The following TRIM67 variants were observed in gnomAD, a reference collection of about 807,000 sequenced individuals.
TRIM67 encodes the protein tripartite motif-containing protein 67.
In TRIM67, 39 loss-of-function variants were observed where a neutral mutation model predicts 71.0. The observed-to-expected ratio is 0.55, with a 90% confidence interval of 0.43 to 0.72. The LOEUF (loss-of-function observed/expected upper bound fraction) is 0.72, where lower values mean the gene tolerates loss of function less well. Ranked by LOEUF, TRIM67 falls within the 30% of genes least tolerant of loss-of-function variation. The pLI, the probability that TRIM67 is intolerant of heterozygous loss-of-function variation, is 0.00. For missense variants in TRIM67, 973 were observed against 1,079.2 expected, an observed-to-expected ratio of 0.90 and a Z score of 1.38; for synonymous variants, 481 against 473.9, an observed-to-expected ratio of 1.01 and a Z score of -0.19.
chr1:231,183,257 T>C (rs1467884659), intron 1 of TRIM67, among the ~76,000 whole-genome samples: 1 of 152,140 alleles, frequency 6.6e-6, no homozygotes, highest in East Asian at 1.9e-4. Flanking sequence ...AGTCCTTTGC[T>C]CTGAGCAAAG....
chr1:231,192,089 G>A (rs989561727), intron 1 of TRIM67, among the ~76,000 whole-genome samples: 6 of 152,176 alleles, frequency 3.9e-5, no homozygotes, highest in South Asian at 2.1e-4. Context: ...CAGGAGGATC[G>A]CTTGAGGCCA....
At chr1:231,164,131 C>G in intron 1 of TRIM67, 118 bp downstream of exon 1, 1 of 1,243,288 alleles carries the variant, frequency 8.0e-7, no homozygotes, top group Non-Finnish European at 1.0e-6. Context: ...GCAGGAATTA[C>G]CTCACTCATT....
At chr1:231,173,885 G>A (rs74853144) in intron 1 of TRIM67, among the ~76,000 whole-genome samples, 1 of 152,170 alleles carries the variant, frequency 6.6e-6, no homozygotes, top group Non-Finnish European at 1.5e-5. Flanking sequence ...ACTTGAATTA[G>A]GAGAGAGGCA....
chr1:231,204,392 C>T (rs1442945504), intron 6 of TRIM67, among the ~76,000 whole-genome samples: 7 of 152,130 alleles, frequency 4.6e-5, no homozygotes, highest in African/African-American at 9.7e-5. Context: ...TTTCTGGAGA[C>T]GAGGAAGCAC....
At chr1:231,198,921 A>T in intron 2 of TRIM67, 126 bp from the exon 3 acceptor site, 1 of 1,457,582 alleles carries the variant, frequency 6.9e-7, no homozygotes, top group Non-Finnish European at 9.3e-7. Context: ...CTAATTTAAC[A>T]ACATTATAGA....
At chr1:231,170,977 T>G (rs143498104) in intron 1 of TRIM67, among the ~76,000 whole-genome samples, 122 of 152,358 alleles carry the variant, frequency 8.0e-4, no homozygotes, top group African/African-American at 2.9e-3. Flanking sequence ...GAATTTTTAA[T>G]CTCAAACAGT....
chr1:231,199,190 C>T (rs1448615869), intron 3 of TRIM67, 21 bp downstream of exon 3: 1 of 1,612,072 alleles, frequency 6.2e-7, no homozygotes, highest in Non-Finnish European at 8.5e-7. Context: ...GGGGGACTGA[C>T]ACATTGAATC....
At chr1:231,187,140 C>T (rs1163526797) in intron 1 of TRIM67, among the ~76,000 whole-genome samples, 1 of 152,136 alleles carries the variant, frequency 6.6e-6, no homozygotes, top group Non-Finnish European at 1.5e-5. Context: ...CTTTATATTT[C>T]ACCTGGGAAG....
At chr1:231,211,599 C>T (rs1295965517) in intron 8 of TRIM67, among the ~76,000 whole-genome samples, 2 of 152,222 alleles carry the variant, frequency 1.3e-5, no homozygotes, top group African/African-American at 4.8e-5. Context: ...GAAACCCTGC[C>T]TTCTCCGGAA....
Position 231,217,718 on chromosome 1 carries a change from G to C in TRIM67, c.*2278G>C. The C allele has an allele frequency of 8.1e-7, 1 of 1,236,828 alleles. No homozygotes were observed. The highest frequency in any genetic ancestry group is 1.0e-6 in the Non-Finnish European group (1 of 961,616). The allele number at this position is 1,236,828 out of a possible 1,614,324, so 76.6% of individuals were successfully genotyped here. A position where few individuals can be genotyped will look rare whatever the true frequency, so the allele number is the denominator to read the frequency against. ...AGCCTCCACCATCACCACAGCCCAG[G>C]TCACCAGGTGGCCCCAGCTCTGCAG... On this transcript the variant is annotated 3_prime_UTR_variant, in exon 10 of 10. Coordinates refer to ENST00000366653, the MANE Select transcript of TRIM67 (RefSeq NM_001004342.5).
intron 7 of TRIM67, among the ~76,000 whole-genome samples, chr1:231,208,029 A>C (rs1214515702): frequency 1.7e-5 from 2 of 118,702 alleles, no homozygotes; most frequent in East Asian, 2.3e-4. Context: ...TTTTTTTTTG[A>C]GATGAAGTCC....
Position 231,163,323 on chromosome 1 carries a change from C to T in TRIM67, c.354C>T (p.Ser118=), listed in dbSNP as rs1302592501. 2 of 1,521,822 alleles carry T rather than the reference C, an allele frequency of 1.3e-6. No homozygotes were observed. Among genetic ancestry groups the T allele is most frequent in the South Asian group, 1.2e-5 (1 of 80,674 alleles). The allele number at this position is 1,521,822 out of a possible 1,614,324, so 94.3% of individuals were successfully genotyped here. A position where few individuals can be genotyped will look rare whatever the true frequency, so the allele number is the denominator to read the frequency against. Residue 118 remains serine (S), a synonymous_variant, in exon 1 of 10, where the codon AGC becomes AGT. Transcript: ENST00000366653. ...TDSGYGSYTP[S]LKSPNGVRVL... is the part of the protein sequence containing the mutation. ...GCGGCTACGGGTCCTACACCCCGAG[C>T]CTCAAGTCCCCCAACGGGGTTCGCG...
rs1683792959 is a variant in TRIM67 at position 231,209,102 on chromosome 1, C to T, written c.1975C>T (p.Arg659Trp). ...GCACTACTGGGAGCTGCACGTGGAC[C>T]GGTACGACAACCACCCAGACCCCGC... is the stretch of plus-strand genomic sequence containing the variant. ...GVHYWELHVD[R>W]YDNHPDPAFG... The change falls in exon 8 of 10, where the codon CGG (arginine) becomes TGG (tryptophan). Residue 659 changes from arginine to tryptophan, a missense_variant. By Grantham distance (101) the Arg-to-Trp change is moderately radical. Transcript: ENST00000366653. The surrounding 1 kb of genome is among the most constrained non-coding windows in gnomAD (Gnocchi z 4.1). 6 of 1,613,882 alleles carry T rather than the reference C, an allele frequency of 3.7e-6. No individual in the cohort carries two copies. The highest frequency in any genetic ancestry group is 2.7e-5 in the African/African-American group (2 of 75,026).
At chr1:231,174,585 G>C (rs971484296) in intron 1 of TRIM67, among the ~76,000 whole-genome samples, 1 of 151,990 alleles carries the variant, frequency 6.6e-6, no homozygotes, top group African/African-American at 2.4e-5. Flanking sequence ...GGCAAGTCTA[G>C]TGATTAGCCC....
rs1275438158 is a variant in TRIM67 at position 231,199,181 on chromosome 1, G to T, written c.1263+12G>T. The T allele has an allele frequency of 1.9e-6, 3 of 1,613,566 alleles. No individual in the cohort carries two copies. Among genetic ancestry groups the T allele is most frequent in the South Asian group, 1.1e-5 (1 of 91,068 alleles). On this transcript the variant is annotated intron_variant, in intron 3 of 9. Transcript: ENST00000366653. ...AACACAAGTTGAAGGTAGGTACCTG[G>T]GGGACTGACACATTGAATCCCTGCC...
chr1:231,186,078 C>G, intron 1 of TRIM67: 1 of 1,533,048 alleles, frequency 6.5e-7, no homozygotes, highest in Non-Finnish European at 8.7e-7. Flanking sequence ...GAACTCACCT[C>G]TCTCCTGATA....
intron 1 of TRIM67, among the ~76,000 whole-genome samples, chr1:231,194,558 T>C (rs1396391566): frequency 6.6e-6 from 1 of 152,172 alleles, no homozygotes; most frequent in Non-Finnish European, 1.5e-5. Flanking sequence ...GCTCCTCCTA[T>C]CAGAGTTGTC....
chr1:231,200,007 T>A, intron 3 of TRIM67, 141 bp from the exon 4 acceptor site: 1 of 634,598 alleles, frequency 1.6e-6, no homozygotes, highest in Admixed American at 2.4e-5. Context: ...GCAGCAGAGC[T>A]GAGAGAGGAG....
At chr1:231,189,035 G>A (rs1405222479) in intron 1 of TRIM67, among the ~76,000 whole-genome samples, 4 of 152,152 alleles carry the variant, frequency 2.6e-5, no homozygotes, top group African/African-American at 9.7e-5. Context: ...TGCCTCATGG[G>A]CCCAGTACAA....
Sources: allele counts gnomAD v4.1 joint callset (sites outside exome capture counted in the v4.1 genomes callset), GRCh38; gene constraint gnomAD v4.1.1; non-coding constraint Gnocchi (gnomAD v3.1); transcripts MANE v1.5; gene names NCBI Gene and HGNC (gene_info 2026-07-23, HGNC 2026-07-21).